Variants in PLA2G2C observed in about 807,000 individuals in gnomAD.
PLA2G2C encodes the protein phospholipase A2 group IIC.
In PLA2G2C, 15 loss-of-function variants were observed where a neutral mutation model predicts 14.3. That is an observed-to-expected ratio of 1.05 (90% CI 0.70 to 1.62). The LOEUF (loss-of-function observed/expected upper bound fraction) is 1.62, where lower values mean the gene tolerates loss of function less well. Ranked by LOEUF, PLA2G2C falls within the 40% of genes most tolerant of loss-of-function variation. PLA2G2C has a pLI of 0.00. For missense variants in PLA2G2C, 162 were observed against 173.2 expected (o/e 0.94, Z 0.36); for synonymous variants, 79 against 67.7 (o/e 1.17, Z -0.82).
chr1:20,171,931 T>G (rs1236941129), intron 4 of PLA2G2C, among the ~76,000 whole-genome samples: 2 of 151,036 alleles, frequency 1.3e-5, no homozygotes. Flanking sequence ...CCGGCTAATT[T>G]TTTTTGTATT....
rs1557783820 is a variant in PLA2G2C at position 20,163,988 on chromosome 1, T to A, written c.*3A>T. The A allele has an allele frequency of 6.2e-7, 1 of 1,611,372 alleles. No homozygotes were observed. Among genetic ancestry groups the A allele is most frequent in the African/African-American group, 1.3e-5 (1 of 74,984 alleles). On this transcript the variant is annotated 3_prime_UTR_variant, in exon 5 of 5. Coordinates refer to ENST00000679259, the MANE Select transcript of PLA2G2C (RefSeq NM_001367969.2). ...GGATGATGAGAGGGACCCTGTGGTG[T>A]CCCTAGCACCAGGGCTTATGTCTGC...
chr1:20,180,827 C>A (rs999649005), intron 1 of PLA2G2C, among the ~76,000 whole-genome samples: 1 of 152,356 alleles, frequency 6.6e-6, no homozygotes, highest in Non-Finnish European at 1.5e-5. Flanking sequence ...CCTAGGGCAG[C>A]AGCCAGTAAG....
chr1:20,172,043 G>A (rs933232652), intron 4 of PLA2G2C, among the ~76,000 whole-genome samples: 4 of 152,046 alleles, frequency 2.6e-5, no homozygotes, highest in Non-Finnish European at 4.4e-5. Flanking sequence ...GATTACAAGC[G>A]TGAGCCACCG....
intron 3 of PLA2G2C, among the ~76,000 whole-genome samples, chr1:20,174,458 T>C (rs1276424551): frequency 1.3e-5 from 2 of 152,132 alleles, no homozygotes; most frequent in African/African-American, 4.8e-5. Context: ...GATGGACAAC[T>C]TCTCCAAACT....
At chr1:20,174,884 T>C (rs930897379) in intron 3 of PLA2G2C, 123 bp downstream of exon 3, 1 of 1,016,122 alleles carries the variant, frequency 9.8e-7, no homozygotes, top group African/African-American at 1.6e-5. Context: ...AGTTCTTCCT[T>C]CCATTAGCCT....
chr1:20,164,341 T>C (rs2017937149), intron 4 of PLA2G2C, among the ~76,000 whole-genome samples, 184 bp from the exon 5 acceptor site: 1 of 152,198 alleles, frequency 6.6e-6, no homozygotes, highest in African/African-American at 2.4e-5. Context: ...TTTGTGTGCG[T>C]GCATATGCAT....
chr1:20,174,982 G>A (rs1361946020), intron 3 of PLA2G2C, 25 bp downstream of exon 3: 4 of 1,583,688 alleles, frequency 2.5e-6, no homozygotes, highest in Non-Finnish European at 2.6e-6. Context: ...CAAATGATAA[G>A]TGGCCTTAGA....
At chr1:20,180,561 T>A (rs1434708836) in intron 1 of PLA2G2C, among the ~76,000 whole-genome samples, 2 of 152,234 alleles carry the variant, frequency 1.3e-5, no homozygotes, top group South Asian at 4.1e-4. Context: ...GGTCCCTTTC[T>A]CCAAGTCCAG....
rs762327154 is a variant in PLA2G2C at position 20,163,063 on chromosome 1, A to G, written c.*928T>C. ...ACCATACCAAAACCCAGTGACTTAG[A>G]ACAGCAGCCTTTATTTAGCTCACAA... On this transcript the variant is annotated 3_prime_UTR_variant, in exon 5 of 5. Coordinates refer to ENST00000679259, the MANE Select transcript of PLA2G2C (RefSeq NM_001367969.2). The G allele has an allele frequency of 2.0e-5, 3 of 152,258 alleles. No homozygotes were observed. The highest frequency in any genetic ancestry group is 2.9e-5 in the Non-Finnish European group (2 of 68,046). 9.4% of individuals were successfully genotyped at this position (152,258 alleles called of 1,614,324 possible). A position where few individuals can be genotyped will look rare whatever the true frequency, so the allele number is the denominator to read the frequency against.
intron 1 of PLA2G2C, among the ~76,000 whole-genome samples, chr1:20,179,780 C>G (rs2018251429): frequency 6.8e-6 from 1 of 146,226 alleles, no homozygotes; most frequent in African/African-American, 2.6e-5. Flanking sequence ...GCTTGTCCCT[C>G]TGTGTCACTT....
At chr1:20,174,940 C>T in intron 3 of PLA2G2C, 67 bp downstream of exon 3, 26 of 1,449,790 alleles carry the variant, frequency 1.8e-5, no homozygotes, top group Non-Finnish European at 2.3e-5. Context: ...AACACCCTCT[C>T]TCTGGCTTTG....
At chr1:20,164,372 TTGTG>T (rs770118011) in intron 4 of PLA2G2C, among the ~76,000 whole-genome samples, 184 of 152,008 alleles carry the variant, frequency 1.2e-3, no homozygotes, top group Non-Finnish European at 2.4e-3. Flanking sequence ...CTGCGTGCAT[TTGTG>T]TGTGTGTATG....
rs76875040 is a variant in PLA2G2C, at chr1:20,165,824, T to C, written c.284-1667A>G. ...GTGTGTTTGTGCGTGTGTGTGTGTG[T>C]GCGCGCGCGCATGTGTGTTTAGGGC... On this transcript the variant is annotated intron_variant, in intron 4 of 4. Transcript: ENST00000679259. 7.9e-3 allele frequency among the ~76,000 whole-genome samples: 1,202 copies of C among 152,128 alleles called. 13 individuals are homozygous for C. The highest frequency in any genetic ancestry group is 0.025 in the African/African-American group (1,036 of 41,530).
chr1:20,165,042 C>A (rs534533671), intron 4 of PLA2G2C, among the ~76,000 whole-genome samples: 3 of 152,222 alleles, frequency 2.0e-5, no homozygotes, highest in African/African-American at 7.2e-5. Context: ...TGAATCCTTC[C>A]GTGGCCTCCG....
chr1:20,172,105 C>G, intron 4 of PLA2G2C, among the ~76,000 whole-genome samples: 1 of 152,134 alleles, frequency 6.6e-6, no homozygotes, highest in East Asian at 1.9e-4. Context: ...CCTCCCAGCC[C>G]AGGACCCCAG....
chr1:20,178,012 G>A (rs963257041), intron 1 of PLA2G2C, among the ~76,000 whole-genome samples: 3 of 152,172 alleles, frequency 2.0e-5, no homozygotes. Flanking sequence ...TTGAAGTTGG[G>A]TAAACCGAGA....
chr1:20,177,649 G>GT (rs956338115), intron 1 of PLA2G2C, among the ~76,000 whole-genome samples: 5,016 of 147,080 alleles, frequency 0.034, 252 homozygotes, highest in African/African-American at 0.12. Flanking sequence ...TGTTGGTTTG[G>GT]TTTTTTTTTT....
chr1:20,172,698 A>C, intron 4 of PLA2G2C, 96 bp downstream of exon 4: 41 of 1,014,290 alleles, frequency 4.0e-5, no homozygotes, highest in Non-Finnish European at 4.5e-5. Context: ...ACTTGGAAGC[A>C]TTTCATTTTC....
At chr1:20,164,179 C>A in intron 4 of PLA2G2C, 22 bp from the exon 5 acceptor site, 1 of 1,601,360 alleles carries the variant, frequency 6.2e-7, no homozygotes, top group Non-Finnish European at 8.5e-7. Flanking sequence ...CAGAGGGTCA[C>A]TGGGGGCTCC....
Sources: allele counts gnomAD v4.1 joint callset (sites outside exome capture counted in the v4.1 genomes callset), GRCh38; gene constraint gnomAD v4.1.1; transcripts MANE v1.5; gene names NCBI Gene and HGNC (gene_info 2026-07-23, HGNC 2026-07-21).